TSNAXIP1: variants seen among roughly 807,000 people sequenced by gnomAD.
TSNAXIP1 encodes translin-associated factor X-interacting protein 1.
Under a neutral mutation model 84.8 loss-of-function variants are expected in TSNAXIP1, and 89 were observed. The ratio of observed to expected loss-of-function variants is 1.05; its 90% CI spans 0.88 to 1.25. The LOEUF is 1.25. Ranked by LOEUF, TSNAXIP1 falls within the 50% of genes most tolerant of loss-of-function variation. The probability of loss-of-function intolerance (pLI) is 0.00; values close to 1 mark genes in which losing one functional copy is unlikely to be tolerated. For synonymous variants in TSNAXIP1, 347 were observed against 335.2 expected, an observed-to-expected ratio of 1.04 and a Z score of -0.39; for missense variants, 874 against 887.6, an observed-to-expected ratio of 0.98 and a Z score of 0.20.
At position 67,814,390 on chromosome 16, in the gene TSNAXIP1, C is replaced by A; in HGVS notation, c.136C>A (p.Arg46=). ...CCAGAATCGCAAGCTTCTTCAGAAA[C>A]GAAGGACGCTGGTTAGTGACAATGT... ...STQNRKLLQK[R]RTLTGQFSMG... Residue 46 remains arginine, a synonymous_variant, in exon 2 of 16, where the codon CGA becomes AGA. Coordinates refer to ENST00000561639, the MANE Select transcript of TSNAXIP1 (RefSeq NM_001288990.3). The A allele has an allele frequency of 1.3e-6, 2 of 1,535,912 alleles. No individual in the cohort carries two copies. Among genetic ancestry groups the A allele is most frequent in the Non-Finnish European group, 1.7e-6 (2 of 1,146,794 alleles).
At chr16:67,821,267 T>TAGGGGG in intron 4 of TSNAXIP1, 42 bp downstream of exon 4, 1 of 829,436 alleles carries the variant, frequency 1.2e-6, no homozygotes, top group Non-Finnish European at 1.9e-6. Context: ...GGGGGAAGGG[T>TAGGGGG]GGGAAGAAGC....
At chr16:67,825,883 G>C in intron 8 of TSNAXIP1, 34 bp from the exon 9 acceptor site, 1 of 1,614,076 alleles carries the variant, frequency 6.2e-7, no homozygotes. Flanking sequence ...GGGTCTCACA[G>C]GTGGGGGGCC....
intron 6 of TSNAXIP1, 90 bp from the exon 7 acceptor site, chr16:67,825,047 C>G (rs1019627481): frequency 6.6e-7 from 1 of 1,521,584 alleles, no homozygotes; most frequent in Admixed American, 2.1e-5. Context: ...CCTGATGGGG[C>G]CCCCCAGAAC....
At chr16:67,819,686 T>A (rs1004600114) in intron 2 of TSNAXIP1, among the ~76,000 whole-genome samples, 1 of 150,392 alleles carries the variant, frequency 6.6e-6, no homozygotes, top group African/African-American at 2.5e-5. Context: ...TTGTTCTTGT[T>A]GTCCAGGCTG....
chr16:67,811,436 CTTTTTTTTTTTTTT>C (rs1190285857), intron 1 of TSNAXIP1, among the ~76,000 whole-genome samples: 1 of 101,980 alleles, frequency 9.8e-6, no homozygotes, highest in Admixed American at 1.1e-4. Flanking sequence ...ATTGATTAGT[CTTTTTTTTTTTTTT>C]TTTTTTTTTG....
At chr16:67,821,332 G>T (rs2057037364) in intron 4 of TSNAXIP1, 107 bp downstream of exon 4, 6 of 1,415,382 alleles carry the variant, frequency 4.2e-6, no homozygotes, top group South Asian at 1.3e-5. Flanking sequence ...CACTTTGGGA[G>T]GCCAAGGCGG....
intron 4 of TSNAXIP1, 58 bp downstream of exon 4, chr16:67,821,283 C>T (rs1004265180): frequency 1.9e-6 from 3 of 1,580,604 alleles, no homozygotes; most frequent in African/African-American, 2.7e-5. Context: ...GAAGCTTCAC[C>T]TACCGGCCGG....
At chr16:67,807,441 G>A (rs1267385083) in intron 1 of TSNAXIP1, 16 of 1,414,710 alleles carry the variant, frequency 1.1e-5, no homozygotes, top group African/African-American at 1.4e-5. Flanking sequence ...TGTACTATAT[G>A]CCAAATGCTT....
intron 6 of TSNAXIP1, 63 bp from the exon 7 acceptor site, chr16:67,825,074 G>C: frequency 6.3e-7 from 1 of 1,587,194 alleles, no homozygotes; most frequent in Non-Finnish European, 8.6e-7. Flanking sequence ...CACTCCCTGG[G>C]GTGACCAGCT....
chr16:67,810,638 T>A (rs530222834), intron 1 of TSNAXIP1, among the ~76,000 whole-genome samples: 5 of 152,034 alleles, frequency 3.3e-5, no homozygotes, highest in African/African-American at 1.2e-4. Context: ...AAAATAAAAG[T>A]AAATAAATAA....
chr16:67,823,843 C>A (rs1008798749), intron 5 of TSNAXIP1, 124 bp downstream of exon 5: 4 of 715,390 alleles, frequency 5.6e-6, no homozygotes, highest in Non-Finnish European at 9.2e-6. Context: ...ATGGTGAAAC[C>A]CTGTCTCTAG....
At chr16:67,809,369 G>A (rs1010533276) in intron 1 of TSNAXIP1, among the ~76,000 whole-genome samples, 1 of 150,462 alleles carries the variant, frequency 6.6e-6, no homozygotes, top group African/African-American at 2.4e-5. Flanking sequence ...TCGGGAGGCT[G>A]AGGCAGGAGA....
At chr16:67,827,095 C>G (rs2057514156) in intron 13 of TSNAXIP1, 23 bp downstream of exon 13, 1 of 1,611,732 alleles carries the variant, frequency 6.2e-7, no homozygotes, top group Non-Finnish European at 8.5e-7. Flanking sequence ...TCCAGGCTAC[C>G]CCCAACTCCT....
At chr16:67,821,041 T>C in intron 3 of TSNAXIP1, 58 bp from the exon 4 acceptor site, 1 of 1,608,220 alleles carries the variant, frequency 6.2e-7, no homozygotes, top group Non-Finnish European at 8.5e-7. Flanking sequence ...TGCCCCAGAC[T>C]GAGGGCACAA....
intron 7 of TSNAXIP1, 100 bp from the exon 8 acceptor site, chr16:67,825,567 G>A (rs2057373836): frequency 6.8e-7 from 1 of 1,472,878 alleles, no homozygotes; most frequent in African/African-American, 1.4e-5. Context: ...TAGTGCTGTG[G>A]GCAAGAACCA....
In TSNAXIP1 at chr16:67,826,298, G is replaced by A; in HGVS notation, c.1275+16G>A. On this transcript the variant is annotated intron_variant, in intron 10 of 15. Transcript: ENST00000561639. Reference sequence around the variant, plus strand: ...CCCTGGTCTGGTAGGGGAGGCCCCAGGAGTGGGGCTTGGGCCAGAGTCAGA... The same window carrying A: ...CCCTGGTCTGGTAGGGGAGGCCCCAAGAGTGGGGCTTGGGCCAGAGTCAGA... 2.5e-6 allele frequency: 4 copies of A among 1,578,006 alleles called. No homozygotes were observed. Among genetic ancestry groups the A allele is most frequent in the Non-Finnish European group, 3.4e-6 (4 of 1,160,228 alleles).
At position 67,809,697 on chromosome 16, in the gene TSNAXIP1, C is replaced by A. The variant is rs145877060; in HGVS notation, c.47+2501C>A. On this transcript the variant is annotated intron_variant, in intron 1 of 15. Transcript: ENST00000561639. ...AGTGAGTGGCTCATGCTTGTAATCC[C>A]AACACTTTAGGAGTCTGAGGTGGGT... Among the ~76,000 whole-genome samples, 1,133 of 152,066 alleles carry A rather than the reference C, an allele frequency of 7.5e-3. 7 individuals carry two copies. Among genetic ancestry groups the A allele is most frequent in the African/African-American group, 0.021 (870 of 41,502 alleles).
At position 67,820,922 on chromosome 16, in the gene TSNAXIP1, C is replaced by G; in HGVS notation, c.231C>G (p.Pro77=). ...AGACCATTTTGCAAAATCGAAAACC[C>G]TGTTCAGATGACTACCGGAAGCGAG... ...SGQTILQNRK[P]CSDDYRKRVG... The change falls in exon 3 of 16, where the codon CCC becomes CCG. Residue 77 remains proline, a synonymous_variant. Transcript: ENST00000561639. 2.5e-6 allele frequency: 4 copies of G among 1,604,686 alleles called. No homozygotes were observed. Among genetic ancestry groups the G allele is most frequent in the Middle Eastern group, 1.7e-4 (1 of 6,002 alleles).
chr16:67,826,980 T>G lies in TSNAXIP1; in HGVS notation c.1572T>G (p.Tyr524Ter). 1 of 1,614,152 alleles carries G rather than the reference T, an allele frequency of 6.2e-7. No homozygotes were observed. The highest frequency in any genetic ancestry group is 8.5e-7 in the Non-Finnish European group (1 of 1,180,024). ...VLMGKRSENV[Y>*]VTQKETVAQL... is the part of the protein sequence containing the mutation. ...CCTTATAGCGGAGTGAGAATGTGTA[T>G]GTCACCCAGAAGGAGACAGTAGCCC... The change falls in exon 13 of 16, where the codon TAT (tyrosine) becomes TAG (stop). Residue 524 changes from tyrosine (Y) to a stop codon, truncating the protein, a stop_gained. Transcript: ENST00000561639. LOFTEE classifies it high-confidence loss of function.
Sources: gnomAD v4.1 joint callset for allele counts (sites outside exome capture counted in the v4.1 genomes callset) on GRCh38, gnomAD v4.1.1 for gene constraint, MANE v1.5 for transcripts, NCBI Gene and HGNC (gene_info 2026-07-23, HGNC 2026-07-21) for gene names.